Variants in OR51B5 observed in about 807,000 individuals in gnomAD.
OR51B5 encodes the protein olfactory receptor family 51 subfamily B member 5.
For missense variants in OR51B5, 456 were observed against 374.6 expected (o/e 1.22, Z -1.79); for synonymous variants, 186 against 144.8 (o/e 1.28, Z -2.04).
At chr11:5,496,304 T>C (rs59837266) in intron 1 of OR51B5, among the ~76,000 whole-genome samples, 26,772 of 151,738 alleles carry the variant, frequency 0.18, 2,497 homozygotes, top group Middle Eastern at 0.27. Context: ...TAAATTTTTA[T>C]CTCTTATGCA....
At chr11:5,411,280 T>A (rs1049845937) in intron 1 of OR51B5, among the ~76,000 whole-genome samples, 6 of 152,226 alleles carry the variant, frequency 3.9e-5, no homozygotes, top group Non-Finnish European at 7.3e-5. Flanking sequence ...AATATCACTG[T>A]GTTACAATTG....
intron 1 of OR51B5, chr11:5,488,633 T>C (rs1851530398): frequency 3.6e-6 from 4 of 1,121,534 alleles, no homozygotes; most frequent in Non-Finnish European, 5.2e-6. Context: ...TTTACATAAA[T>C]CAACCAAATA....
chr11:5,444,847 C>T (rs1850738513), intron 1 of OR51B5, among the ~76,000 whole-genome samples: 1 of 152,086 alleles, frequency 6.6e-6, no homozygotes, highest in South Asian at 2.1e-4. Flanking sequence ...CACAATTATC[C>T]CTGATGTAAT....
chr11:5,429,848 G>A (rs1299983001), intron 1 of OR51B5, among the ~76,000 whole-genome samples: 1 of 152,222 alleles, frequency 6.6e-6, no homozygotes, highest in African/African-American at 2.4e-5. Flanking sequence ...TACTAAAGAA[G>A]AATTTGCTGC....
At chr11:5,486,095 C>T (rs1851494344) in intron 1 of OR51B5, among the ~76,000 whole-genome samples, 1 of 151,384 alleles carries the variant, frequency 6.6e-6, no homozygotes, top group African/African-American at 2.4e-5. Context: ...GCCAACATCG[C>T]GATATCAGAC....
chr11:5,405,672 C>CA (rs1420268728), intron 1 of OR51B5, among the ~76,000 whole-genome samples: 1 of 152,134 alleles, frequency 6.6e-6, no homozygotes, highest in Non-Finnish European at 1.5e-5. Context: ...TAAATTTAAA[C>CA]ATTTTAAATA....
At chr11:5,343,577 A>G (rs1196308712), upstream of OR51B5, 5 of 654,504 alleles carry the variant, frequency 7.6e-6, no homozygotes, top group African/African-American at 9.1e-5. Flanking sequence ...ACCACAGTGC[A>G]CAGTTCTACC....
chr11:5,440,881 C>T (rs771517123), intron 1 of OR51B5: 2 of 1,613,624 alleles, frequency 1.2e-6, no homozygotes. Flanking sequence ...AAAGTTGAGT[C>T]CATACCATAG....
At chr11:5,378,431 C>T (rs1267650971) in intron 1 of OR51B5, among the ~76,000 whole-genome samples, 1 of 152,044 alleles carries the variant, frequency 6.6e-6, no homozygotes, top group African/African-American at 2.4e-5. Context: ...ACACCAAAAG[C>T]GATGGCAACA....
chr11:5,352,365 C>T, intron 1 of OR51B5: 3 of 1,613,612 alleles, frequency 1.9e-6, no homozygotes, highest in Non-Finnish European at 2.5e-6. Flanking sequence ...CTTTTATGAA[C>T]CCATTTATCT....
chr11:5,476,509 C>T (rs991475581), intron 1 of OR51B5, among the ~76,000 whole-genome samples: 2 of 152,164 alleles, frequency 1.3e-5, no homozygotes, highest in South Asian at 2.1e-4. Flanking sequence ...AAAATAGTCA[C>T]TGGATGAAAG....
chr11:5,416,632 AATAG>A (rs1314225603), intron 1 of OR51B5, among the ~76,000 whole-genome samples: 5 of 148,958 alleles, frequency 3.4e-5, no homozygotes, highest in Non-Finnish European at 6.0e-5. Context: ...ATACACCAAT[AATAG>A]ACAAACAGAG....
intron 1 of OR51B5, among the ~76,000 whole-genome samples, chr11:5,350,514 C>T (rs1281667258): frequency 1.3e-5 from 2 of 152,098 alleles, no homozygotes; most frequent in African/African-American, 2.4e-5. Context: ...GCTGCCTGCA[C>T]CAGCTGAAAT....
intron 1 of OR51B5, among the ~76,000 whole-genome samples, chr11:5,406,041 G>A (rs996804344): frequency 5.9e-5 from 9 of 152,156 alleles, no homozygotes; most frequent in Non-Finnish European, 1.5e-5. Context: ...TCTGTAAAAA[G>A]ATGTCCCACA....
chr11:5,376,017 C>CA (rs1849522048), intron 1 of OR51B5, among the ~76,000 whole-genome samples: 1 of 151,902 alleles, frequency 6.6e-6, no homozygotes, highest in Non-Finnish European at 1.5e-5. Flanking sequence ...CATTTTTTTT[C>CA]AGCACCACAC....
At chr11:5,384,593 G>A (rs1741516300) in intron 1 of OR51B5, among the ~76,000 whole-genome samples, 1 of 152,222 alleles carries the variant, frequency 6.6e-6, no homozygotes, top group Non-Finnish European at 1.5e-5. Flanking sequence ...ATGTCTAGAA[G>A]TCAGGATGGC....
At chr11:5,352,009 C>T (rs780108031) in intron 1 of OR51B5, 9 of 1,613,600 alleles carry the variant, frequency 5.6e-6, no homozygotes, top group African/African-American at 4.0e-5. Context: ...TCCCTACTGT[C>T]GATCCCATGT....
At chr11:5,390,081 T>C (rs1849770302) in intron 1 of OR51B5, 2 of 1,613,682 alleles carry the variant, frequency 1.2e-6, no homozygotes, top group African/African-American at 2.7e-5. Context: ...CTCATCGCAC[T>C]GTCCTATGGA....
intron 1 of OR51B5, among the ~76,000 whole-genome samples, chr11:5,484,637 G>C (rs74422784): frequency 0.014 from 2,107 of 152,234 alleles, 54 homozygotes; most frequent in African/African-American, 0.049. Flanking sequence ...GTGTTCACTT[G>C]ATCTTCCCAA....
Sources: allele counts gnomAD v4.1 joint callset (sites outside exome capture counted in the v4.1 genomes callset), GRCh38; gene constraint gnomAD v4.1.1; transcripts MANE v1.5; gene names NCBI Gene and HGNC (gene_info 2026-07-23, HGNC 2026-07-21).